Variants in CELSR2 observed in about 807,000 individuals in gnomAD.
The protein encoded by CELSR2 is cadherin EGF LAG seven-pass G-type receptor 2.
CELSR2 carries 81 observed loss-of-function variants against 251.6 expected under a neutral mutation model. The ratio of observed to expected loss-of-function variants is 0.32; its 90% CI spans 0.27 to 0.39. The LOEUF (loss-of-function observed/expected upper bound fraction) is 0.39, where lower values mean the gene tolerates loss of function less well. CELSR2 is among the 10% of genes least tolerant of loss of function. The pLI is 1.00. For synonymous variants in CELSR2, 1,721 were observed against 1,670.5 expected (o/e 1.03, Z -0.74); for missense variants, 3,365 against 3,947.7 (o/e 0.85, Z 3.96).
chr1:109,264,160 A>C lies in CELSR2; in HGVS notation c.5084A>C (p.Asn1695Thr), dbSNP rs1249046641. The change falls in exon 10 of 34, where the codon AAT becomes ACT. Residue 1695 changes from asparagine to threonine, a missense_variant. By Grantham distance (65) the Asn-to-Thr change is moderately conservative. Around this residue, in one of 5 missense-constraint regions of CELSR2, gnomAD observed 2,093 missense variants for 2,382.8 expected, o/e 0.88. Transcript: ENST00000271332. Reference sequence around the variant, plus strand: ...CTCCGTCTGGAGCCAGGCCGGGCCAATGACGGTGACTGGCACCATGCACAG... The same window carrying C: ...CTCCGTCTGGAGCCAGGCCGGGCCACTGACGGTGACTGGCACCATGCACAG... The part of the protein sequence containing the change: ...SSLRLEPGRA[N>T]DGDWHHAQLA... 3 of 1,611,058 alleles carry C rather than the reference A, an allele frequency of 1.9e-6. No homozygotes were observed. Among genetic ancestry groups the C allele is most frequent in the African/African-American group, 2.7e-5 (2 of 74,886 alleles).
chr1:109,270,261 T>C, intron 23 of CELSR2, 128 bp downstream of exon 23: 2 of 1,276,442 alleles, frequency 1.6e-6, no homozygotes, highest in Non-Finnish European at 2.2e-6. Flanking sequence ...TGGCCCAGGG[T>C]TTCCTCTTCT....
intron 1 of CELSR2, among the ~76,000 whole-genome samples, chr1:109,253,706 G>C (rs971134649): frequency 6.6e-6 from 1 of 152,240 alleles, no homozygotes; most frequent in African/African-American, 2.4e-5. Context: ...GTGAAAAAAG[G>C]CGCGTGGAAG....
intron 5 of CELSR2, 98 bp from the exon 6 acceptor site, chr1:109,262,189 G>A: frequency 6.7e-7 from 1 of 1,501,628 alleles, no homozygotes; most frequent in Non-Finnish European, 9.0e-7. Flanking sequence ...GTGTGTCTGG[G>A]CATGTGGGTG....
At position 109,249,904 on chromosome 1, in the gene CELSR2, C is replaced by T; in HGVS notation, c.-176C>T. On this transcript the variant is annotated 5_prime_UTR_variant, in exon 1 of 34. Transcript: ENST00000271332. ...GGGGGCAGTGGGAGCCCGGGCTCGT[C>T]GGAGGGTGCAGCGCGGGGTCCCGCC... The T allele has an allele frequency of 2.2e-6, 1 of 459,398 alleles. No homozygotes were observed. Among genetic ancestry groups the T allele is most frequent in the Non-Finnish European group, 3.2e-6 (1 of 315,606 alleles). 28.5% of individuals were successfully genotyped at this position (459,398 alleles called of 1,614,324 possible). A position where few individuals can be genotyped will look rare whatever the true frequency, so the allele number is the denominator to read the frequency against.
At chr1:109,265,984 G>A in intron 14 of CELSR2, 66 bp downstream of exon 14, 16 of 1,582,990 alleles carry the variant, frequency 1.0e-5, no homozygotes, top group Non-Finnish European at 1.4e-5. Flanking sequence ...CCCCAGGAAA[G>A]CCAGGAAGGG....
rs376286828 is a variant in CELSR2, at chr1:109,273,379, G to A, written c.8509+43G>A. ...AGCTGCCGAGCTCCCCTAGTCAGCA[G>A]CCTCATACCTCACATTCTCCTGTGG... On this transcript the variant is annotated intron_variant, in intron 32 of 33. Coordinates refer to ENST00000271332, the MANE Select transcript of CELSR2 (RefSeq NM_001408.3). 9.2e-4 allele frequency: 1,486 copies of A among 1,608,452 alleles called. 31 individuals are homozygous for A. In the South Asian group the frequency reaches 0.016, roughly 17 times the overall value.
In CELSR2 at chr1:109,269,544, A is replaced by G. The variant is rs201397336; in HGVS notation, c.6933A>G (p.Thr2311=). Reference sequence around the variant, plus strand: ...CGGTGCAGTTCCGCCTGCTGGAGACAGAGGAGCGGACCAAGCCCATCTGTG... The same window carrying G: ...CGGTGCAGTTCCGCCTGCTGGAGACGGAGGAGCGGACCAAGCCCATCTGTG... The part of the protein sequence containing the change: ...PVTVQFRLLE[T]EERTKPICVF... The change falls in exon 21 of 34, where the codon ACA becomes ACG. Residue 2311 remains threonine (T), a synonymous_variant. Transcript: ENST00000271332. The surrounding 1 kb of genome is among the most constrained non-coding windows in gnomAD (Gnocchi z 6.4). The G allele has an allele frequency of 6.2e-7, 1 of 1,614,126 alleles. No individual in the cohort carries two copies. Among genetic ancestry groups the G allele is most frequent in the African/African-American group, 1.3e-5 (1 of 75,058 alleles).
At chr1:109,272,185 G>T in intron 28 of CELSR2, 93 bp from the exon 29 acceptor site, 1 of 1,462,760 alleles carries the variant, frequency 6.8e-7, no homozygotes. Flanking sequence ...GTGGAAGGTG[G>T]AACTTAGGGC....
In CELSR2 at chr1:109,258,743, C is replaced by T. The variant is rs763539818; in HGVS notation, c.3622C>T (p.Arg1208Cys). Residue 1208 changes from arginine to cysteine, a missense_variant, in exon 2 of 34, where the codon CGC becomes TGC. Transcript: ENST00000271332. Reference protein sequence around the residue: ...PFLPSEDLQERLYLNRSLLTA... With the variant: ...PFLPSEDLQECLYLNRSLLTA... ...CCTGCCCTCTGAGGACCTGCAGGAG[C>T]GCCTATACCTCAACCGCAGCCTGCT... is the stretch of plus-strand genomic sequence containing the variant. The T allele has an allele frequency of 3.8e-6, 6 of 1,568,930 alleles. No individual in the cohort carries two copies. Among genetic ancestry groups the T allele is most frequent in the Non-Finnish European group, 8.6e-7 (1 of 1,157,202 alleles).
Position 109,274,404 on chromosome 1 carries a change from C to A in CELSR2, c.*355C>A. 1 of 353,570 alleles carries A rather than the reference C, an allele frequency of 2.8e-6. No individual in the cohort carries two copies. The highest frequency in any genetic ancestry group is 5.1e-6 in the Non-Finnish European group (1 of 194,894). 21.9% of individuals were successfully genotyped at this position (353,570 alleles called of 1,614,324 possible). On this transcript the variant is annotated 3_prime_UTR_variant, in exon 34 of 34. Transcript: ENST00000271332. ...ATACGCTGGAAATTGACTCCCCTTT[C>A]CCTTCCCAAAGAGGATAGGACCTCC...
In CELSR2 at chr1:109,264,385, C is replaced by CCCCCCA; in HGVS notation, c.5289+20_5289+21insCCCCCA. 2 of 1,594,224 alleles carry CCCCCCA rather than the reference C, an allele frequency of 1.3e-6. No individual in the cohort carries two copies. The highest frequency in any genetic ancestry group is 1.7e-6 in the Non-Finnish European group (2 of 1,164,638). On this transcript the variant is annotated intron_variant, in intron 10 of 33. Coordinates refer to ENST00000271332, the MANE Select transcript of CELSR2 (RefSeq NM_001408.3). ...TTGCAGGTGAGTGTCCTGCCCTGCCCTCCCATCCCCTCCCCCACCACCTGC... is the reference window on the plus strand; with the variant it reads ...TTGCAGGTGAGTGTCCTGCCCTGCCCCCCCCATCCCATCCCCTCCCCCACCACCTGC...
rs1557737927 is a variant in CELSR2, at chr1:109,272,724, G to A, written c.8139G>A (p.Gln2713=). ...GSLFLEGQDQ[Q]HDPDTDSDSD... is the part of the protein sequence containing the mutation. ...TGTTCCTGGAAGGTCAAGACCAGCA[G>A]CATGGTGAGGACAGAACGCTCTGGC... Residue 2713 remains glutamine (Q), a synonymous_variant, in exon 30 of 34, where the codon CAG becomes CAA. Coordinates refer to ENST00000271332, the MANE Select transcript of CELSR2 (RefSeq NM_001408.3). 2 of 1,613,886 alleles carry A rather than the reference G, an allele frequency of 1.2e-6. No homozygotes were observed. Among genetic ancestry groups the A allele is most frequent in the Admixed American group, 3.3e-5 (2 of 59,984 alleles).
At chr1:109,270,663 C>G in intron 24 of CELSR2, 63 bp downstream of exon 24, 1 of 1,564,422 alleles carries the variant, frequency 6.4e-7, no homozygotes, top group Non-Finnish European at 8.7e-7. Context: ...GTGCCATGTT[C>G]TCTCCACCCA....
chr1:109,260,984 C>A, intron 2 of CELSR2, 58 bp from the exon 3 acceptor site: 1 of 1,387,790 alleles, frequency 7.2e-7, no homozygotes, highest in Non-Finnish European at 1.0e-6. Flanking sequence ...TGTGGGGGGT[C>A]TCAGTTCCCC....
In CELSR2 at chr1:109,265,776, G is replaced by A. The variant is rs1346214580; in HGVS notation, c.5769G>A (p.Leu1923=). ...YRPPGSPTCL[L]CDCYPTGSLS... ...CCCCAGGCAGCCCCACCTGCCTCTT[G>A]TGTGACTGCTACCCCACAGGCTCCT... The change falls in exon 14 of 34, where the codon TTG becomes TTA. Residue 1923 remains leucine, a synonymous_variant. Transcript: ENST00000271332. The A allele has an allele frequency of 1.2e-6, 2 of 1,613,862 alleles. No homozygotes were observed. Among genetic ancestry groups the A allele is most frequent in the Non-Finnish European group, 1.7e-6 (2 of 1,179,794 alleles).
chr1:109,263,983 G>A (rs754092798), intron 9 of CELSR2, 95 bp from the exon 10 acceptor site: 14 of 1,469,256 alleles, frequency 9.5e-6, no homozygotes, highest in South Asian at 6.7e-5. Context: ...GCTGGGCAGC[G>A]GGATGGGTTT....
rs1656298585 is a variant in CELSR2 at position 109,269,333 on chromosome 1, G to A, written c.6812+43G>A. On this transcript the variant is annotated intron_variant, in intron 20 of 33. Transcript: ENST00000271332. This position sits in a 1 kb window ranked among gnomAD's most constrained non-coding sequence, Gnocchi z 6.4. ...AGGTGTGGGTAGGGGTATGGGTCGG[G>A]CGGTGAGTGCTGAGGCATGGAGGGG... 1 of 1,611,484 alleles carries A rather than the reference G, an allele frequency of 6.2e-7. No homozygotes were observed. Among genetic ancestry groups the A allele is most frequent in the Admixed American group, 1.7e-5 (1 of 59,670 alleles).
chr1:109,265,707 G>A (rs79762317), intron 13 of CELSR2, 28 bp from the exon 14 acceptor site: 27,488 of 1,594,330 alleles, frequency 0.017, 306 homozygotes, highest in Middle Eastern at 0.027. Context: ...AGCCTGGCCA[G>A]TGACACCGTT....
rs748451616 is a variant in CELSR2 at position 109,269,616 on chromosome 1, C to G, written c.6980+25C>G. Reference sequence around the variant, plus strand: ...TGTGAGCCTGCACTGCCCTCGCCCCCTCAGGCTTCGGGCTGAAAGTCCAGG... The same window carrying G: ...TGTGAGCCTGCACTGCCCTCGCCCCGTCAGGCTTCGGGCTGAAAGTCCAGG... On this transcript the variant is annotated intron_variant, in intron 21 of 33. Transcript: ENST00000271332. This position sits in a 1 kb window ranked among gnomAD's most constrained non-coding sequence, Gnocchi z 6.4. 1.1e-4 allele frequency: 176 copies of G among 1,613,274 alleles called. No homozygotes were observed. Among genetic ancestry groups the G allele is most frequent in the Middle Eastern group, 1.6e-4 (1 of 6,084 alleles).
Sources: gnomAD v4.1 joint callset for allele counts (sites outside exome capture counted in the v4.1 genomes callset) on GRCh38, gnomAD v4.1.1 for gene constraint, gnomAD v4.1.1 regional missense constraint, Gnocchi (gnomAD v3.1) non-coding constraint, MANE v1.5 for transcripts, NCBI Gene and HGNC (gene_info 2026-07-23, HGNC 2026-07-21) for gene names.